Variants in PCDH15 observed in about 807,000 individuals in gnomAD.
PCDH15 encodes the protein protocadherin related 15.
PCDH15 carries 129 observed loss-of-function variants against 178.5 expected under a neutral mutation model. That is an observed-to-expected ratio of 0.72 (90% confidence interval 0.63 to 0.84). The LOEUF (loss-of-function observed/expected upper bound fraction) is 0.84. Ranked by LOEUF, PCDH15 falls within the 40% of genes least tolerant of loss-of-function variation. The pLI, the probability that PCDH15 is intolerant of heterozygous loss-of-function variation, is 0.00. For synonymous variants in PCDH15, 800 were observed against 732.0 expected, an observed-to-expected ratio of 1.09 and a Z score of -1.50; for missense variants, 2,230 against 2,099.9, an observed-to-expected ratio of 1.06 and a Z score of -1.21.
chr10:54,368,148 A>C (rs537284632), intron 5 of PCDH15, among the ~76,000 whole-genome samples: 24 of 152,116 alleles, frequency 1.6e-4, no homozygotes, highest in Non-Finnish European at 3.4e-4. Context: ...AGAAAGTCTC[A>C]GATTACAAGG....
chr10:55,027,184 G>A lies in PCDH15; in HGVS notation c.-79-129684C>T, dbSNP rs539555597. ...CAATAACTTCAGAGGGAAAAACTAC[G>A]AGGGAGTTTTGTGTTTTTCTTTTTT... On this transcript the variant is annotated intron_variant, in intron 2 of 5. Transcript: ENST00000458638. Among the ~76,000 whole-genome samples, 280 of 151,942 alleles carry A rather than the reference G, an allele frequency of 1.8e-3. 1 individual carries two copies. Among genetic ancestry groups the A allele is most frequent in the African/African-American group, 6.5e-3 (268 of 41,530 alleles).
In PCDH15 at chr10:55,561,460, A is replaced by G. The variant is rs546411312; in HGVS notation, c.-156+66165T>C. On this transcript the variant is annotated intron_variant, in intron 2 of 5. Coordinates refer to the PCDH15 transcript ENST00000613346. ...TATTTAAACTTTTGAACATGATAGG[A>G]CAATAAAAATTGTTTATGAATGATA... is the stretch of plus-strand genomic sequence containing the variant. Among the ~76,000 whole-genome samples, 164 of 152,052 alleles carry G rather than the reference A, an allele frequency of 1.1e-3. 2 individuals are homozygous for G. Among genetic ancestry groups the G allele is most frequent in the African/African-American group, 3.8e-3 (157 of 41,544 alleles).
At chr10:53,965,335 G>A (rs1402095161) in intron 21 of PCDH15, among the ~76,000 whole-genome samples, 1 of 152,082 alleles carries the variant, frequency 6.6e-6, no homozygotes, top group Non-Finnish European at 1.5e-5. Context: ...TGAGATTACA[G>A]GCGTAAGCCA....
Position 54,021,746 on chromosome 10 carries a change from C to T in PCDH15, c.2526+1146G>A, listed in dbSNP as rs140531479. On this transcript the variant is annotated intron_variant, in intron 19 of 37. Transcript: ENST00000644397. ...TTTGTACTGAGGACCTACGTTTTAA[C>T]TACTAATTTTCTTGACTGATAGCTA... Among the ~76,000 whole-genome samples, 4 of 152,052 alleles carry T rather than the reference C, an allele frequency of 2.6e-5. No homozygotes were observed. The East Asian group carries it at 7.8e-4, about 29-fold the overall frequency.
At chr10:54,195,537 G>C (rs1402468107) in intron 11 of PCDH15, 146 bp downstream of exon 11, 8 of 667,740 alleles carry the variant, frequency 1.2e-5, no homozygotes, top group Non-Finnish European at 1.8e-5. Context: ...TCCTTGTTTT[G>C]GAATTAAATT....
At chr10:54,243,627 C>A (rs2055634748) in intron 8 of PCDH15, among the ~76,000 whole-genome samples, 1 of 152,102 alleles carries the variant, frequency 6.6e-6, no homozygotes, top group Admixed American at 6.6e-5. Context: ...GTGTTACTAA[C>A]ATAGAGAATT....
At chr10:54,665,957 T>C (rs1045263816) in intron 1 of PCDH15, among the ~76,000 whole-genome samples, 1 of 151,718 alleles carries the variant, frequency 6.6e-6, no homozygotes, top group Non-Finnish European at 1.5e-5. Context: ...ATGTGGCTTT[T>C]TTTTTAAATT....
chr10:55,108,548 A>G (rs1837417670), intron 2 of PCDH15, among the ~76,000 whole-genome samples: 1 of 152,172 alleles, frequency 6.6e-6, no homozygotes, highest in South Asian at 2.1e-4. Flanking sequence ...GAATAGTATT[A>G]TGGTGTGTGA....
chr10:55,247,798 G>C (rs1033569759), intron 1 of PCDH15: 1 of 151,422 alleles, frequency 6.6e-6, no homozygotes, highest in Non-Finnish European at 1.5e-5. Flanking sequence ...CTACTTGAGA[G>C]GCTGAGGTGG....
At chr10:55,306,092 C>T (rs559504202) in intron 1 of PCDH15, among the ~76,000 whole-genome samples, 1 of 152,066 alleles carries the variant, frequency 6.6e-6, no homozygotes, top group African/African-American at 2.4e-5. Flanking sequence ...GGTAGACCCA[C>T]CCAAGCTATC....
intron 26 of PCDH15, among the ~76,000 whole-genome samples, chr10:53,894,874 G>A (rs1036020981): frequency 1.3e-5 from 2 of 152,156 alleles, no homozygotes; most frequent in Non-Finnish European, 2.9e-5. Flanking sequence ...AGCATGCCCA[G>A]AACTAAATCC....
intron 3 of PCDH15, among the ~76,000 whole-genome samples, chr10:54,386,100 T>TG (rs1554944798): frequency 9.3e-5 from 13 of 139,818 alleles, no homozygotes; most frequent in African/African-American, 3.2e-4. Context: ...TAGTTATTAG[T>TG]TGTGTGTGTG....
intron 1 of PCDH15, among the ~76,000 whole-genome samples, chr10:55,205,559 T>C (rs963619792): frequency 6.6e-6 from 1 of 152,004 alleles, no homozygotes; most frequent in Admixed American, 6.6e-5. Flanking sequence ...AATCCAATAA[T>C]GAATGCAAGA....
rs762878206 is a variant in PCDH15, at chr10:53,831,335, C to A, written c.4182G>T (p.Val1394=). 1.9e-6 allele frequency: 3 copies of A among 1,614,142 alleles called. No homozygotes were observed. The South Asian group carries it at 3.3e-5, about 18-fold the overall frequency. The change falls in exon 30 of 38, where the codon GTG becomes GTT. Residue 1394 remains valine, a synonymous_variant. Coordinates refer to ENST00000644397, the MANE Select transcript of PCDH15 (RefSeq NM_001384140.1). ...IILCCIPAIL[V]VLVSYRQFKV... ...CTTACTGTCTGTAGCTGACCAAAAC[C>A]ACCAAGATGGCAGGAATGCAGCAGA... is the stretch of plus-strand genomic sequence containing the variant.
chr10:54,176,016 T>G (rs764172632), intron 13 of PCDH15, among the ~76,000 whole-genome samples: 11 of 152,148 alleles, frequency 7.2e-5, no homozygotes, highest in Admixed American at 2.0e-4. Context: ...GTAGCTTGGC[T>G]AAAGCTGTGA....
chr10:54,810,509 GA>G (rs1174964258), intron 3 of PCDH15, among the ~76,000 whole-genome samples: 1 of 151,556 alleles, frequency 6.6e-6, no homozygotes, highest in African/African-American at 2.4e-5. Context: ...AACAAATTGG[GA>G]AAAAAACACA....
intron 18 of PCDH15, among the ~76,000 whole-genome samples, chr10:54,048,801 T>C (rs756133411): frequency 6.6e-6 from 1 of 152,184 alleles, no homozygotes; most frequent in Non-Finnish European, 1.5e-5. Context: ...GATAATGTGA[T>C]GCCTTTGGTT....
At chr10:54,035,964 T>A (rs2093407582) in intron 18 of PCDH15, among the ~76,000 whole-genome samples, 1 of 151,942 alleles carries the variant, frequency 6.6e-6, no homozygotes, top group Non-Finnish European at 1.5e-5. Context: ...GGATAGAAGA[T>A]CAAACTAGCC....
At chr10:55,406,239 A>G (rs148289984) in intron 2 of PCDH15, among the ~76,000 whole-genome samples, 2 of 152,082 alleles carry the variant, frequency 1.3e-5, no homozygotes, top group East Asian at 3.9e-4. Flanking sequence ...CAAGAGTGAA[A>G]AGGGGACAGA....
Sources: gnomAD v4.1 joint callset for allele counts (sites outside exome capture counted in the v4.1 genomes callset) on GRCh38, gnomAD v4.1.1 for gene constraint, MANE v1.5 for transcripts, NCBI Gene and HGNC (gene_info 2026-07-23, HGNC 2026-07-21) for gene names.